The following EPB41L1 variants were observed in gnomAD, a reference collection of about 807,000 sequenced individuals.
The protein encoded by EPB41L1 is erythrocyte membrane protein band 4.1 like 1.
EPB41L1 carries 29 observed loss-of-function variants against 97.8 expected under a neutral mutation model. The observed-to-expected ratio is 0.30, with a 90% CI of 0.22 to 0.40. The LOEUF is 0.40. Ranked by LOEUF, EPB41L1 falls within the 10% of genes least tolerant of loss-of-function variation. EPB41L1 has a pLI of 1.00. For synonymous variants in EPB41L1, 383 were observed against 459.2 expected (o/e 0.83, Z 2.12); for missense variants, 812 against 1,162.3 (o/e 0.70, Z 4.38).
chr20:36,132,571 G>C (rs978346393), intron 2 of EPB41L1, among the ~76,000 whole-genome samples: 5 of 124,158 alleles, frequency 4.0e-5, no homozygotes, highest in African/African-American at 6.3e-5. Context: ...TGTGGGCGGG[G>C]GGGGGGGGCG....
chr20:36,124,257 AAAAAC>A (rs1051688892), intron 2 of EPB41L1, among the ~76,000 whole-genome samples: 16 of 152,156 alleles, frequency 1.1e-4, no homozygotes, highest in Non-Finnish European at 1.5e-5. Flanking sequence ...TCCGTCTCAA[AAAAAC>A]AAAACAAAAC....
At chr20:36,179,364 A>T (rs1203131560) in intron 5 of EPB41L1, among the ~76,000 whole-genome samples, 1 of 152,166 alleles carries the variant, frequency 6.6e-6, no homozygotes, top group Non-Finnish European at 1.5e-5. Flanking sequence ...GTAAACAATG[A>T]CCCTTTCCTC....
intron 1 of EPB41L1, among the ~76,000 whole-genome samples, chr20:36,161,726 C>T (rs2060533080): frequency 2.0e-5 from 3 of 151,878 alleles, no homozygotes; most frequent in African/African-American, 7.3e-5. Context: ...CTGCCTGCCT[C>T]AGCCTCCCAA....
rs993512941 is a variant in EPB41L1, at chr20:36,092,466, C to T, written c.-65+854C>T. 6.6e-6 allele frequency among the ~76,000 whole-genome samples: 1 copy of T among 151,936 alleles called. No individual in the cohort carries two copies. The highest frequency in any genetic ancestry group is 2.1e-4 in the South Asian group (1 of 4,830). ...CCTTCCTCTGCTCCCCTCCCCGGGA[C>T]CGGCGCGCGGCCCCAGCTCCGGCGG... On this transcript the variant is annotated intron_variant, in intron 1 of 19. Transcript: ENST00000202028. The surrounding 1 kb of genome is among the most constrained non-coding windows in gnomAD (Gnocchi z 7.0).
Position 36,154,861 on chromosome 20 carries a change from G to A in EPB41L1, c.-50G>A. The A allele has an allele frequency of 2.0e-6, 2 of 1,011,528 alleles. No homozygotes were observed. The highest frequency in any genetic ancestry group is 3.5e-5 in the African/African-American group (2 of 57,484). The allele number at this position is 1,011,528 out of a possible 1,614,324, so 62.7% of individuals were successfully genotyped here. A position where few individuals can be genotyped will look rare whatever the true frequency, so the allele number is the denominator to read the frequency against. Reference sequence around the variant, plus strand: ...AGAGGAGCCGAGGGGGCCGCCCCTCGCCCAACCTGCCCGACATGGGGAACC... The same window carrying A: ...AGAGGAGCCGAGGGGGCCGCCCCTCACCCAACCTGCCCGACATGGGGAACC... On this transcript the variant is annotated 5_prime_UTR_variant, in exon 1 of 22. Coordinates refer to ENST00000338074, the MANE Select transcript of EPB41L1 (RefSeq NM_012156.2). The surrounding 1 kb of genome is among the most constrained non-coding windows in gnomAD (Gnocchi z 5.5).
At chr20:36,137,586 G>T (rs561324623) in intron 2 of EPB41L1, among the ~76,000 whole-genome samples, 19 of 151,932 alleles carry the variant, frequency 1.3e-4, no homozygotes, top group African/African-American at 4.3e-4. Context: ...GTGCAATGGC[G>T]CGATCTTGGC....
At chr20:36,139,729 ATTAT>A (rs924352558) in intron 2 of EPB41L1, among the ~76,000 whole-genome samples, 9 of 149,636 alleles carry the variant, frequency 6.0e-5, no homozygotes, top group South Asian at 2.1e-4. Flanking sequence ...TCTTCTTATT[ATTAT>A]TTATTTATTT....
chr20:36,208,135 G>T, intron 14 of EPB41L1, among the ~76,000 whole-genome samples: 1 of 152,170 alleles, frequency 6.6e-6, no homozygotes, highest in East Asian at 1.9e-4. Flanking sequence ...TGCCTACCTT[G>T]CTTGGCTTGT....
chr20:36,146,790 TG>T (rs1370636064), intron 2 of EPB41L1, among the ~76,000 whole-genome samples: 2 of 151,768 alleles, frequency 1.3e-5, no homozygotes, highest in Non-Finnish European at 2.9e-5. Flanking sequence ...GGGTCTGGCT[TG>T]GGGGGTTATG....
At chr20:36,183,415 C>G (rs777593045) in intron 6 of EPB41L1, among the ~76,000 whole-genome samples, 2 of 152,216 alleles carry the variant, frequency 1.3e-5, no homozygotes, top group African/African-American at 2.4e-5. Context: ...CGTCATTAGT[C>G]CTAGTTCTGA....
At chr20:36,202,220 T>C (rs1241822396) in intron 14 of EPB41L1, among the ~76,000 whole-genome samples, 1 of 152,214 alleles carries the variant, frequency 6.6e-6, no homozygotes, top group Admixed American at 6.5e-5. Flanking sequence ...CCTGCAAATG[T>C]CCATCCAGCT....
intron 2 of EPB41L1, among the ~76,000 whole-genome samples, chr20:36,141,247 A>G (rs1351710496): frequency 1.3e-5 from 2 of 152,158 alleles, no homozygotes; most frequent in Non-Finnish European, 2.9e-5. Context: ...TTTCTCACCA[A>G]TGGGAGGGCT....
At position 36,194,231 on chromosome 20, in the gene EPB41L1, C is replaced by G. The variant is rs1356111699; in HGVS notation, c.1320C>G (p.Ala440=). ...CTTCAGCAGAGTTCTCCCGCCCAGCCTCGGTCAGCGAGAACCATGATGCAG... is the reference window on the plus strand; with the variant it reads ...CTTCAGCAGAGTTCTCCCGCCCAGCGTCGGTCAGCGAGAACCATGATGCAG... ...SLDGAEFSRP[A]SVSENHDAGP... Residue 440 remains alanine (A), a synonymous_variant, in exon 12 of 22, where the codon GCC becomes GCG. Transcript: ENST00000338074. The G allele has an allele frequency of 6.2e-7, 1 of 1,613,928 alleles. No individual in the cohort carries two copies. The highest frequency in any genetic ancestry group is 1.3e-5 in the African/African-American group (1 of 74,928).
intron 14 of EPB41L1, among the ~76,000 whole-genome samples, chr20:36,203,656 G>A (rs1383452452): frequency 1.3e-5 from 2 of 152,322 alleles, no homozygotes; most frequent in Admixed American, 6.5e-5. Context: ...CCTAGCTTCC[G>A]TAGGCTCTCA....
intron 1 of EPB41L1, among the ~76,000 whole-genome samples, chr20:36,170,141 A>G (rs1569192168): frequency 6.7e-6 from 1 of 149,428 alleles, no homozygotes; most frequent in East Asian, 2.0e-4. Context: ...TTCATCATAG[A>G]TTTTTTTTTT....
rs547538314 is a variant in EPB41L1, at chr20:36,222,256, C to G, written c.2521-22C>G. ...GTCTTGGATAGTTCATGGTTCCTTC[C>G]TTTGCTGTTCTTTACCACCAGGCCC... is the stretch of plus-strand genomic sequence containing the variant. On this transcript the variant is annotated intron_variant, in intron 20 of 21. Transcript: ENST00000338074. The G allele has an allele frequency of 2.0e-5, 31 of 1,589,134 alleles. No individual in the cohort carries two copies. The Admixed American group carries it at 5.0e-4, about 26-fold the overall frequency.
At chr20:36,096,453 C>T (rs1159510866) in intron 1 of EPB41L1, among the ~76,000 whole-genome samples, 1 of 152,216 alleles carries the variant, frequency 6.6e-6, no homozygotes, top group Non-Finnish European at 1.5e-5. Context: ...AGTTCCTGCC[C>T]ACTTCTCTGG....
chr20:36,169,221 C>CAA (rs1351633399), intron 1 of EPB41L1, among the ~76,000 whole-genome samples: 100 of 73,372 alleles, frequency 1.4e-3, no homozygotes, highest in Non-Finnish European at 2.4e-3. Context: ...GACTCTGTCT[C>CAA]AAAAAAAAAA....
At chr20:36,124,626 C>A (rs370283328) in intron 2 of EPB41L1, among the ~76,000 whole-genome samples, 1 of 152,224 alleles carries the variant, frequency 6.6e-6, no homozygotes, top group East Asian at 1.9e-4. Context: ...CCTCCCACCC[C>A]CTGCACTGCT....
Sources: allele counts gnomAD v4.1 joint callset (sites outside exome capture counted in the v4.1 genomes callset), GRCh38; gene constraint gnomAD v4.1.1; non-coding constraint Gnocchi (gnomAD v3.1); transcripts MANE v1.5; gene names NCBI Gene and HGNC (gene_info 2026-07-23, HGNC 2026-07-21).